GALNT13: variants seen among roughly 807,000 people sequenced by gnomAD.
The protein encoded by GALNT13 is polypeptide N-acetylgalactosaminyltransferase 13, also known as UDP-GalNAc:polypeptide N-acetylgalactosaminyltransferase 13.
A neutral mutation model predicts 64.2 loss-of-function variants in GALNT13; 28 were observed. That is an observed-to-expected ratio of 0.44 (90% CI 0.32 to 0.60). The LOEUF (loss-of-function observed/expected upper bound fraction) is 0.60, where lower values mean the gene tolerates loss of function less well. GALNT13 is among the 20% of genes least tolerant of loss of function. The probability of loss-of-function intolerance (pLI) is 0.05; values close to 1 mark genes in which losing one functional copy is unlikely to be tolerated. For missense variants in GALNT13, 577 were observed against 669.8 expected (o/e 0.86, Z 1.53); for synonymous variants, 214 against 224.6 (o/e 0.95, Z 0.42).
At position 154,334,494 on chromosome 2, in the gene GALNT13, G is replaced by A. The variant is rs144761500; in HGVS notation, c.1156+32905G>A. Among the ~76,000 whole-genome samples, 563 of 152,154 alleles carry A rather than the reference G, an allele frequency of 3.7e-3. 5 individuals carry two copies. Among genetic ancestry groups the A allele is most frequent in the African/African-American group, 0.013 (535 of 41,550 alleles). On this transcript the variant is annotated intron_variant, in intron 9 of 12. Transcript: ENST00000392825. ...GAGAGAGCAATGTTGAATAGCTGAT[G>A]TGGGTTTTTAGTTCTGATCATCTAA...
chr2:154,147,806 T>A (rs1302255973), intron 4 of GALNT13, among the ~76,000 whole-genome samples: 1 of 152,054 alleles, frequency 6.6e-6, no homozygotes, highest in East Asian at 1.9e-4. Flanking sequence ...TTTTTCCTAC[T>A]TGAGTTATGT....
the GALNT13 span, among the ~76,000 whole-genome samples, chr2:153,837,278 A>G: frequency 6.6e-6 from 1 of 151,996 alleles, no homozygotes; most frequent in South Asian, 2.1e-4. Context: ...GCATTTTTTC[A>G]TGTGTCTGTT....
At chr2:153,537,206 GT>G in the GALNT13 span, among the ~76,000 whole-genome samples, 43 of 152,328 alleles carry the variant, frequency 2.8e-4, no homozygotes, top group African/African-American at 1.0e-3. Flanking sequence ...TGCAGAGGCT[GT>G]ATAGGACATG....
the GALNT13 span, among the ~76,000 whole-genome samples, chr2:153,112,459 T>C: frequency 6.6e-6 from 1 of 152,092 alleles, no homozygotes; most frequent in African/African-American, 2.4e-5. Flanking sequence ...GCTATTTTGG[T>C]AGTAACTGAC....
the GALNT13 span, among the ~76,000 whole-genome samples, chr2:153,749,626 C>A: frequency 6.6e-6 from 1 of 151,642 alleles, no homozygotes; most frequent in Non-Finnish European, 1.5e-5. Context: ...TTTTTTATTT[C>A]TTTTTCAGAT....
intron 9 of GALNT13, among the ~76,000 whole-genome samples, chr2:154,392,462 T>C (rs1359655169): frequency 1.3e-5 from 2 of 152,168 alleles, no homozygotes; most frequent in Non-Finnish European, 2.9e-5. Flanking sequence ...TCAGTTCCTT[T>C]ATATTATCTG....
chr2:154,193,465 C>T (rs1686708241), intron 4 of GALNT13, among the ~76,000 whole-genome samples: 1 of 152,110 alleles, frequency 6.6e-6, no homozygotes, highest in South Asian at 2.1e-4. Flanking sequence ...GTTTTGTTTC[C>T]TGAAGAACCG....
chr2:153,102,833 T>G, the GALNT13 span, among the ~76,000 whole-genome samples: 2 of 152,032 alleles, frequency 1.3e-5, no homozygotes. Flanking sequence ...AACATGAAAA[T>G]GTATTTTTAC....
At chr2:153,688,184 G>A in the GALNT13 span, among the ~76,000 whole-genome samples, 2 of 151,854 alleles carry the variant, frequency 1.3e-5, no homozygotes, top group African/African-American at 2.4e-5. Context: ...ACGTATGGTC[G>A]ATGGCTGCTA....
At chr2:153,544,814 G>T in the GALNT13 span, among the ~76,000 whole-genome samples, 136 of 152,274 alleles carry the variant, frequency 8.9e-4, no homozygotes, top group Admixed American at 8.8e-3. Flanking sequence ...GTCAGCAATT[G>T]TTACCTCTTT....
At chr2:153,347,873 A>G in the GALNT13 span, among the ~76,000 whole-genome samples, 1 of 152,172 alleles carries the variant, frequency 6.6e-6, no homozygotes, top group Non-Finnish European at 1.5e-5. Flanking sequence ...ATTATTATCT[A>G]TGTGAAAGCA....
At chr2:153,449,080 T>C in the GALNT13 span, among the ~76,000 whole-genome samples, 2 of 152,108 alleles carry the variant, frequency 1.3e-5, no homozygotes, top group Non-Finnish European at 2.9e-5. Context: ...CCTGTGCATG[T>C]ACCAAGGAAA....
chr2:154,091,006 C>T (rs1701777242), intron 3 of GALNT13, among the ~76,000 whole-genome samples: 1 of 151,316 alleles, frequency 6.6e-6, no homozygotes. Context: ...TCAGGAAGGC[C>T]CAATTGTTTG....
At chr2:154,311,665 C>A (rs1030592018) in intron 9 of GALNT13, among the ~76,000 whole-genome samples, 1 of 151,860 alleles carries the variant, frequency 6.6e-6, no homozygotes, top group East Asian at 1.9e-4. Context: ...GTTTATTAGG[C>A]GGGAATTTCC....
chr2:153,984,442 A>T (rs1468176884), intron 3 of GALNT13, among the ~76,000 whole-genome samples: 1 of 151,774 alleles, frequency 6.6e-6, no homozygotes, highest in Non-Finnish European at 1.5e-5. Flanking sequence ...CTAACAGTGA[A>T]ATTTGGAGAG....
At chr2:153,089,408 CT>C in the GALNT13 span, among the ~76,000 whole-genome samples, 1 of 152,110 alleles carries the variant, frequency 6.6e-6, no homozygotes, top group African/African-American at 2.4e-5. Context: ...TCTTCAGATT[CT>C]TTCCTTTGTC....
chr2:154,206,124 A>G (rs1687435350), intron 4 of GALNT13, among the ~76,000 whole-genome samples: 1 of 151,652 alleles, frequency 6.6e-6, no homozygotes, highest in African/African-American at 2.4e-5. Flanking sequence ...CAGCCTCCTA[A>G]GTAGCTGGGA....
chr2:154,245,080 T>C (rs1173473097), intron 6 of GALNT13, among the ~76,000 whole-genome samples: 1 of 150,496 alleles, frequency 6.6e-6, no homozygotes, highest in Non-Finnish European at 1.5e-5. Context: ...CACTCCAGCC[T>C]GGGTGACAGG....
At chr2:153,628,065 G>A in the GALNT13 span, among the ~76,000 whole-genome samples, 5 of 151,968 alleles carry the variant, frequency 3.3e-5, no homozygotes, top group East Asian at 1.9e-4. Flanking sequence ...GGTCCTTCAC[G>A]TCCCTTGTAA....
Sources: allele counts gnomAD v4.1 joint callset (sites outside exome capture counted in the v4.1 genomes callset), GRCh38; gene constraint gnomAD v4.1.1; transcripts MANE v1.5; gene names NCBI Gene and HGNC (gene_info 2026-07-23, HGNC 2026-07-21).